APBB2: variants seen among roughly 807,000 people sequenced by gnomAD.
APBB2 encodes amyloid beta precursor protein binding family B member 2.
In APBB2, 38 loss-of-function variants were observed where a neutral mutation model predicts 82.5. That is an observed-to-expected ratio of 0.46 (90% confidence interval 0.36 to 0.60). The LOEUF is 0.60. APBB2 is among the 20% of genes least tolerant of loss of function. The probability of loss-of-function intolerance (pLI) is 0.00; values close to 1 mark genes in which losing one functional copy is unlikely to be tolerated. For synonymous variants in APBB2, 341 were observed against 368.2 expected, an observed-to-expected ratio of 0.93 and a Z score of 0.85; for missense variants, 772 against 972.3, an observed-to-expected ratio of 0.79 and a Z score of 2.74.
intron 6 of APBB2, among the ~76,000 whole-genome samples, chr4:40,987,642 C>T (rs963145560): frequency 2.2e-4 from 34 of 152,120 alleles, no homozygotes; most frequent in African/African-American, 6.0e-4. Flanking sequence ...CGAACTAGGA[C>T]GTGAGAATTC....
At chr4:41,048,470 T>G (rs1724242393) in intron 4 of APBB2, among the ~76,000 whole-genome samples, 2 of 152,076 alleles carry the variant, frequency 1.3e-5, no homozygotes, top group African/African-American at 4.8e-5. Flanking sequence ...TTATAACCAC[T>G]CCATGGAGAG....
chr4:41,158,843 C>T (rs1056852175), intron 1 of APBB2, among the ~76,000 whole-genome samples: 4 of 152,160 alleles, frequency 2.6e-5, no homozygotes, highest in Non-Finnish European at 5.9e-5. Context: ...CACCCCACAG[C>T]ACGGTTACTA....
At chr4:40,824,768 G>C (rs537412870) in intron 15 of APBB2, among the ~76,000 whole-genome samples, 2 of 152,240 alleles carry the variant, frequency 1.3e-5, no homozygotes, top group African/African-American at 4.8e-5. Flanking sequence ...TGAGATTACA[G>C]GTGTGAGCCA....
chr4:40,816,071 C>T lies in APBB2; in HGVS notation c.*21G>A, dbSNP rs574631376. On this transcript the variant is annotated 3_prime_UTR_variant, in exon 18 of 18. Transcript: ENST00000508593. ...GCTAGTCAATCTTCAGGTAAATAGC[C>T]GAGTCCTTTTGCATGTGCAGCTATG... The T allele has an allele frequency of 1.4e-5, 22 of 1,604,248 alleles. No homozygotes were observed. The highest frequency in any genetic ancestry group is 4.5e-5 in the East Asian group (2 of 44,654).
At chr4:41,001,460 T>C (rs1805209348) in intron 6 of APBB2, among the ~76,000 whole-genome samples, 1 of 152,266 alleles carries the variant, frequency 6.6e-6, no homozygotes, top group African/African-American at 2.4e-5. Flanking sequence ...TAGTTCTATA[T>C]GAAGAATTCT....
intron 1 of APBB2, among the ~76,000 whole-genome samples, chr4:41,201,421 T>C (rs1776669873): frequency 6.6e-6 from 1 of 152,132 alleles, no homozygotes; most frequent in Non-Finnish European, 1.5e-5. Flanking sequence ...AAATCTGAAA[T>C]CCAAAATGCT....
intron 6 of APBB2, among the ~76,000 whole-genome samples, chr4:40,994,811 G>GAAAA (rs71198624): frequency 2.5e-4 from 28 of 112,988 alleles, no homozygotes; most frequent in Non-Finnish European, 4.4e-4. Flanking sequence ...CAAGACTCCG[G>GAAAA]AAAAAAAAAA....
At chr4:41,203,190 T>TAA (rs147550108) in intron 1 of APBB2, among the ~76,000 whole-genome samples, 2 of 151,242 alleles carry the variant, frequency 1.3e-5, no homozygotes, top group African/African-American at 4.9e-5. Flanking sequence ...TTGCAGCTTG[T>TAA]AAAAAAAAGA....
chr4:41,193,589 G>A, intron 1 of APBB2: 2 of 984,628 alleles, frequency 2.0e-6, no homozygotes, highest in Non-Finnish European at 1.2e-6. Context: ...TTTTGTCAGT[G>A]AGCTTAACAT....
intron 12 of APBB2, chr4:40,881,206 A>G: frequency 1.0e-6 from 1 of 985,434 alleles, no homozygotes; most frequent in Non-Finnish European, 1.2e-6. Context: ...TCCAGAGGTC[A>G]AGACAATACT....
At chr4:41,016,836 T>C (rs1329201670) in intron 5 of APBB2, among the ~76,000 whole-genome samples, 1 of 152,000 alleles carries the variant, frequency 6.6e-6, no homozygotes, top group Non-Finnish European at 1.5e-5. Context: ...TGCAGCTCTG[T>C]ATATGCCATA....
intron 10 of APBB2, among the ~76,000 whole-genome samples, chr4:40,920,597 C>A (rs906869674): frequency 3.9e-5 from 6 of 152,166 alleles, no homozygotes; most frequent in Admixed American, 3.3e-4. Context: ...CCGGGCTGGA[C>A]GCAGTGGCTC....
intron 12 of APBB2, among the ~76,000 whole-genome samples, chr4:40,877,121 G>A (rs536095429): frequency 3.9e-5 from 6 of 152,352 alleles, no homozygotes; most frequent in Admixed American, 1.3e-4. Flanking sequence ...AACACATGCC[G>A]AAATGAGTGA....
chr4:40,974,377 T>C (rs1468820152), intron 6 of APBB2, among the ~76,000 whole-genome samples: 4 of 152,154 alleles, frequency 2.6e-5, no homozygotes, highest in African/African-American at 9.7e-5. Context: ...GGGAGAAATC[T>C]TCACCACACT....
At chr4:41,025,157 C>A (rs1020908454) in intron 5 of APBB2, among the ~76,000 whole-genome samples, 23 of 152,128 alleles carry the variant, frequency 1.5e-4, no homozygotes, top group African/African-American at 5.6e-4. Flanking sequence ...ACTCCCACAA[C>A]CCTATAAGGA....
At position 41,150,502 on chromosome 4, in the gene APBB2, T is replaced by A. The variant is rs143003120; in HGVS notation, c.-416-7360A>T. Among the ~76,000 whole-genome samples, 78 of 152,308 alleles carry A rather than the reference T, an allele frequency of 5.1e-4. 1 individual carries two copies. The East Asian group carries it at 0.015, about 29-fold the overall frequency. Reference sequence around the variant, plus strand: ...AATTCCATGCTGTCATTAGTGTCATTCCTTCTATCTATACTGCCCTGCCCT... The same window carrying A: ...AATTCCATGCTGTCATTAGTGTCATACCTTCTATCTATACTGCCCTGCCCT... On this transcript the variant is annotated intron_variant, in intron 1 of 17. Transcript: ENST00000508593.
chr4:40,831,703 CAA>C (rs1751963161), intron 12 of APBB2, among the ~76,000 whole-genome samples: 1 of 152,166 alleles, frequency 6.6e-6, no homozygotes, highest in Admixed American at 6.5e-5. Context: ...TGTCAGAACA[CAA>C]AGAGACACCA....
intron 1 of APBB2, among the ~76,000 whole-genome samples, chr4:41,199,869 G>A (rs527818247): frequency 7.2e-5 from 11 of 152,240 alleles, no homozygotes; most frequent in African/African-American, 2.6e-4. Flanking sequence ...TAAATCATGA[G>A]AAATACATTC....
At chr4:40,955,669 T>C (rs1320822186) in intron 6 of APBB2, among the ~76,000 whole-genome samples, 1 of 152,206 alleles carries the variant, frequency 6.6e-6, no homozygotes, top group African/African-American at 2.4e-5. Flanking sequence ...TCTCAGCTAC[T>C]TGGGAGGCTG....
Sources: gnomAD v4.1 joint callset for allele counts (sites outside exome capture counted in the v4.1 genomes callset) on GRCh38, gnomAD v4.1.1 for gene constraint, MANE v1.5 for transcripts, NCBI Gene and HGNC (gene_info 2026-07-23, HGNC 2026-07-21) for gene names.